ZNF618: variants seen among roughly 807,000 people sequenced by gnomAD.
ZNF618 encodes neural precursor cell expressed, developmentally down-regulated 10.
In ZNF618, 34 loss-of-function variants were observed where a neutral mutation model predicts 103.0. That is an observed-to-expected ratio of 0.33 (90% CI 0.25 to 0.44). The LOEUF is 0.44. ZNF618 is among the 20% of genes least tolerant of loss of function. ZNF618 has a pLI of 1.00. For missense variants in ZNF618, 1,059 were observed against 1,295.4 expected (o/e 0.82, Z 2.80); for synonymous variants, 551 against 542.2 (o/e 1.02, Z -0.23).
chr9:113,991,432 G>A (rs1840046922), intron 3 of ZNF618, among the ~76,000 whole-genome samples: 1 of 152,214 alleles, frequency 6.6e-6, no homozygotes, highest in South Asian at 2.1e-4. Flanking sequence ...CTCAGGCCCT[G>A]TCTGTCTCAG....
intron 1 of ZNF618, among the ~76,000 whole-genome samples, chr9:113,892,189 T>C (rs1323222881): frequency 6.6e-6 from 1 of 152,126 alleles, no homozygotes; most frequent in Non-Finnish European, 1.5e-5. Flanking sequence ...GGGGATTGGT[T>C]CCATGCCCCG....
intron 9 of ZNF618, among the ~76,000 whole-genome samples, chr9:114,010,688 G>A (rs1842163327): frequency 6.6e-6 from 1 of 152,198 alleles, no homozygotes; most frequent in African/African-American, 2.4e-5. Context: ...TGGTGACAGA[G>A]CAAGACTCCA....
chr9:114,008,324 C>G lies in ZNF618; in HGVS notation c.641-20C>G. On this transcript the variant is annotated intron_variant, in intron 7 of 14. Coordinates refer to ENST00000374126, the MANE Select transcript of ZNF618 (RefSeq NM_001318042.2). ...TTTGTTTCTTTCCTTCTGCGGCTGCCGCCTCCTGCCCGGGCGCAGTGTTTA... is the reference window on the plus strand; with the variant it reads ...TTTGTTTCTTTCCTTCTGCGGCTGCGGCCTCCTGCCCGGGCGCAGTGTTTA... The G allele has an allele frequency of 6.2e-7, 1 of 1,613,060 alleles. No individual in the cohort carries two copies. The highest frequency in any genetic ancestry group is 1.7e-5 in the Admixed American group (1 of 60,002).
intron 3 of ZNF618, among the ~76,000 whole-genome samples, chr9:113,997,761 T>C (rs1266516895): frequency 6.6e-6 from 1 of 152,072 alleles, no homozygotes; most frequent in Non-Finnish European, 1.5e-5. Flanking sequence ...CCATGGTTCA[T>C]AGAGGAAAAA....
rs200522270 is a variant in ZNF618 at position 114,055,975 on chromosome 9, T to TAA, written c.*5820_*5821dup. 14 of 146,460 alleles carry TAA rather than the reference T, an allele frequency of 9.6e-5. No homozygotes were observed. The highest frequency in any genetic ancestry group is 9.1e-5 in the Non-Finnish European group (6 of 66,190). 9.1% of individuals were successfully genotyped at this position (146,460 alleles called of 1,614,324 possible). On this transcript the variant is annotated 3_prime_UTR_variant, in exon 15 of 15. Coordinates refer to ENST00000374126, the MANE Select transcript of ZNF618 (RefSeq NM_001318042.2). ...GACCCTGTGTACCATGTACTGTATT[T>TAA]AAAAAAAAAAAAAGTTACCTATTGT...
intron 1 of ZNF618, among the ~76,000 whole-genome samples, chr9:113,938,301 G>C (rs982239500): frequency 6.7e-6 from 1 of 148,400 alleles, no homozygotes; most frequent in African/African-American, 2.5e-5. Context: ...AGCCTCCCAA[G>C]TAGCTGGGGC....
chr9:114,050,815 G>A lies in ZNF618; in HGVS notation c.*648G>A, dbSNP rs1178218147. On this transcript the variant is annotated 3_prime_UTR_variant, in exon 15 of 15. Transcript: ENST00000374126. ...GCTGTGGACTCTCCACACTGCATCA[G>A]ATGGACGGTTTCTGCACTGGACTTT... 2 of 152,784 alleles carry A rather than the reference G, an allele frequency of 1.3e-5. No homozygotes were observed. Among genetic ancestry groups the A allele is most frequent in the African/African-American group, 4.8e-5 (2 of 41,444 alleles). 9.5% of individuals were successfully genotyped at this position (152,784 alleles called of 1,614,324 possible). A position where few individuals can be genotyped will look rare whatever the true frequency, so the allele number is the denominator to read the frequency against.
chr9:113,908,199 C>T (rs577764364), intron 1 of ZNF618, among the ~76,000 whole-genome samples: 2 of 145,798 alleles, frequency 1.4e-5, no homozygotes, highest in South Asian at 4.2e-4. Context: ...TTCACTTGTT[C>T]GTAAGTTAAG....
chr9:114,011,001 A>G (rs2133855911), intron 9 of ZNF618, among the ~76,000 whole-genome samples: 1 of 152,306 alleles, frequency 6.6e-6, no homozygotes, highest in East Asian at 1.9e-4. Context: ...CTGTTGGAGC[A>G]CACACACACA....
chr9:113,896,919 G>T (rs920525907), intron 1 of ZNF618, among the ~76,000 whole-genome samples: 40 of 151,960 alleles, frequency 2.6e-4, no homozygotes, highest in African/African-American at 9.2e-4. Flanking sequence ...AATTTTTATA[G>T]TTCATTTCCT....
At chr9:113,882,573 A>G (rs1050639246) in intron 1 of ZNF618, among the ~76,000 whole-genome samples, 1 of 152,172 alleles carries the variant, frequency 6.6e-6, no homozygotes, top group African/African-American at 2.4e-5. Flanking sequence ...AAGTTAGGCG[A>G]CAAGTGAGAA....
chr9:113,951,550 T>TAC (rs1835741935), intron 1 of ZNF618, among the ~76,000 whole-genome samples: 1 of 66,584 alleles, frequency 1.5e-5, no homozygotes, highest in African/African-American at 4.3e-5. Context: ...TATGTACACA[T>TAC]ATGTGTGTGT....
At chr9:114,036,560 T>C (rs902353782) in intron 13 of ZNF618, among the ~76,000 whole-genome samples, 183 bp downstream of exon 13, 1 of 152,184 alleles carries the variant, frequency 6.6e-6, no homozygotes, top group African/African-American at 2.4e-5. Flanking sequence ...TGGTCTGTGC[T>C]CTGCAGGTGG....
At chr9:113,980,815 C>G (rs190798179) in intron 2 of ZNF618, among the ~76,000 whole-genome samples, 1 of 152,286 alleles carries the variant, frequency 6.6e-6, no homozygotes, top group Non-Finnish European at 1.5e-5. Flanking sequence ...GAGGCTGCTG[C>G]TAGAGGCAGA....
At chr9:114,020,752 CTTTA>C in intron 10 of ZNF618, among the ~76,000 whole-genome samples, 1 of 152,092 alleles carries the variant, frequency 6.6e-6, no homozygotes, top group Admixed American at 6.5e-5. Flanking sequence ...ATAAAGACAG[CTTTA>C]TTTCTTTCCT....
At chr9:113,996,098 C>T (rs1371809764) in intron 3 of ZNF618, among the ~76,000 whole-genome samples, 1 of 152,146 alleles carries the variant, frequency 6.6e-6, no homozygotes, top group Non-Finnish European at 1.5e-5. Flanking sequence ...ACTCAGAAGA[C>T]CCTGCTCCAG....
At chr9:113,939,967 A>AT (rs1834403474) in intron 1 of ZNF618, among the ~76,000 whole-genome samples, 2 of 151,638 alleles carry the variant, frequency 1.3e-5, no homozygotes, top group African/African-American at 4.8e-5. Flanking sequence ...ACTTCTGTTT[A>AT]TTTTTATTCA....
chr9:114,028,177 C>T (rs1241263802), intron 10 of ZNF618: 1 of 153,586 alleles, frequency 6.5e-6, no homozygotes, highest in Non-Finnish European at 1.4e-5. Flanking sequence ...CAGACAGCAT[C>T]CAGGAACTGC....
chr9:114,055,013 T>G lies in ZNF618; in HGVS notation c.*4846T>G, dbSNP rs1381456401. 1 of 143,964 alleles carries G rather than the reference T, an allele frequency of 6.9e-6. No individual in the cohort carries two copies. Among genetic ancestry groups the G allele is most frequent in the Non-Finnish European group, 1.5e-5 (1 of 66,774 alleles). The allele number at this position is 143,964 out of a possible 1,614,324, so 8.9% of individuals were successfully genotyped here. On this transcript the variant is annotated 3_prime_UTR_variant, in exon 15 of 15. Coordinates refer to ENST00000374126, the MANE Select transcript of ZNF618 (RefSeq NM_001318042.2). Reference sequence around the variant, plus strand: ...TTGTACAGAGAAGGATTTGCTAGGTTTGCATTTGGGTGTTAGCATCACGAC... The same window carrying G: ...TTGTACAGAGAAGGATTTGCTAGGTGTGCATTTGGGTGTTAGCATCACGAC...
Sources: allele counts gnomAD v4.1 joint callset (sites outside exome capture counted in the v4.1 genomes callset), GRCh38; gene constraint gnomAD v4.1.1; transcripts MANE v1.5; gene names NCBI Gene and HGNC (gene_info 2026-07-23, HGNC 2026-07-21).